ZMYND11: variants seen among roughly 807,000 people sequenced by gnomAD.
The protein encoded by ZMYND11 is zinc finger MYND domain-containing protein 11.
A neutral mutation model predicts 84.9 loss-of-function variants in ZMYND11; 9 were observed. That is an observed-to-expected ratio of 0.11 (90% CI 0.06 to 0.18). ZMYND11 has a LOEUF of 0.18. Among genes scored for constraint, ZMYND11 ranks in the 10% least tolerant of loss-of-function variants. ZMYND11 has a pLI of 1.00. For missense variants in ZMYND11, 409 were observed against 761.0 expected (o/e 0.54, Z 5.44); for synonymous variants, 250 against 244.1 (o/e 1.02, Z -0.23).
intron 4 of ZMYND11, among the ~76,000 whole-genome samples, chr10:231,292 A>C (rs4880983): frequency 0.25 from 38,247 of 152,120 alleles, 5,047 homozygotes; most frequent in Middle Eastern, 0.34. Flanking sequence ...CGCCCAAGAA[A>C]GTTTGAAGCC....
In ZMYND11 at chr10:199,330, T is replaced by A. The variant is rs202065713; in HGVS notation, c.117-10559T>A. Among the ~76,000 whole-genome samples, 320 of 90,404 alleles carry A rather than the reference T, an allele frequency of 3.5e-3. 4 individuals carry two copies. Among genetic ancestry groups the A allele is most frequent in the African/African-American group, 0.011 (283 of 25,308 alleles). The allele number at this position is 90,404 out of a possible 152,430, so 59.3% of individuals were successfully genotyped here. Reference sequence around the variant, plus strand: ...CTCTTCCTCCCTCCCTCCCTCCCTCTCTCCCTCCGTCTCTGTCTCTTTCTT... The same window carrying A: ...CTCTTCCTCCCTCCCTCCCTCCCTCACTCCCTCCGTCTCTGTCTCTTTCTT... On this transcript the variant is annotated intron_variant, in intron 2 of 14. Coordinates refer to ENST00000381604, the MANE Select transcript of ZMYND11 (RefSeq NM_001370100.5).
chr10:170,802 A>G (rs565591997), intron 1 of ZMYND11, among the ~76,000 whole-genome samples: 2 of 152,210 alleles, frequency 1.3e-5, no homozygotes, highest in South Asian at 2.1e-4. Context: ...AAGTCAACCA[A>G]TGGAACATAG....
chr10:230,898 G>A (rs1018915153), intron 4 of ZMYND11, among the ~76,000 whole-genome samples: 1 of 152,086 alleles, frequency 6.6e-6, no homozygotes, highest in Non-Finnish European at 1.5e-5. Context: ...GCTATGCACC[G>A]CTGAAATTGA....
At chr10:179,774 T>A (rs546569204) in intron 1 of ZMYND11, among the ~76,000 whole-genome samples, 2 of 152,310 alleles carry the variant, frequency 1.3e-5, no homozygotes, top group East Asian at 3.9e-4. Context: ...CCTTTTTAAC[T>A]TTTTGGCTTT....
At chr10:251,035 A>T (rs1196132571) in intron 14 of ZMYND11, among the ~76,000 whole-genome samples, 1 of 152,224 alleles carries the variant, frequency 6.6e-6, no homozygotes, top group African/African-American at 2.4e-5. Flanking sequence ...AGAATCAAGA[A>T]TTCTTTCTTC....
At chr10:232,517 C>T (rs996783451) in intron 4 of ZMYND11, among the ~76,000 whole-genome samples, 4 of 152,206 alleles carry the variant, frequency 2.6e-5, no homozygotes, top group South Asian at 4.1e-4. Flanking sequence ...GTCAGTTCAG[C>T]GAGAAAGCTC....
At chr10:249,793 A>T in intron 14 of ZMYND11, 2 of 972,988 alleles carry the variant, frequency 2.1e-6, no homozygotes, top group Non-Finnish European at 2.4e-6. Flanking sequence ...GTGATAAACT[A>T]ATTCTTCATT....
At chr10:208,454 CAA>C (rs1564383667) in intron 2 of ZMYND11, among the ~76,000 whole-genome samples, 1 of 152,110 alleles carries the variant, frequency 6.6e-6, no homozygotes, top group African/African-American at 2.4e-5. Context: ...AAGAAAAAAA[CAA>C]ATAACCCCAA....
intron 5 of ZMYND11, 118 bp downstream of exon 5, chr10:237,033 G>A (rs2131683234): frequency 1.1e-6 from 1 of 893,790 alleles, no homozygotes; most frequent in South Asian, 1.9e-5. Flanking sequence ...ATGAAGTGTG[G>A]AGAGCACCCC....
chr10:220,301 C>T (rs1946929009), intron 3 of ZMYND11, among the ~76,000 whole-genome samples: 1 of 152,064 alleles, frequency 6.6e-6, no homozygotes, highest in African/African-American at 2.4e-5. Context: ...ACTACATCTA[C>T]AAATAAAGTT....
intron 2 of ZMYND11, among the ~76,000 whole-genome samples, chr10:205,477 G>GA (rs1943956716): frequency 1.3e-5 from 2 of 152,012 alleles, no homozygotes; most frequent in African/African-American, 4.8e-5. Flanking sequence ...ATGACTTGAG[G>GA]CTGAGAGTTT....
At chr10:188,427 A>T (rs1333336192) in intron 2 of ZMYND11, among the ~76,000 whole-genome samples, 1 of 151,688 alleles carries the variant, frequency 6.6e-6, no homozygotes, top group African/African-American at 2.4e-5. Context: ...ATCTCTACAA[A>T]AAAAAAAACC....
intron 2 of ZMYND11, 68 bp from the exon 3 acceptor site, chr10:209,821 C>T (rs1944868417): frequency 1.4e-6 from 2 of 1,451,068 alleles, no homozygotes; most frequent in African/African-American, 1.4e-5. Context: ...CCACCATTTT[C>T]TTATTTTCAT....
At position 205,701 on chromosome 10, in the gene ZMYND11, A is replaced by AT. The variant is rs542155987; in HGVS notation, c.117-4187dup. ...TGAGACCCTGTACAAAAAATAAAAA[A>AT]TAAAAAAAAAGGAGTTCCTGGATTC... On this transcript the variant is annotated intron_variant, in intron 2 of 14. Transcript: ENST00000381604. 3.1e-3 allele frequency among the ~76,000 whole-genome samples: 464 copies of AT among 152,078 alleles called. No homozygotes were observed. The Middle Eastern group carries it at 0.031, about 10-fold the overall frequency.
At chr10:250,817 A>G (rs1176350728) in intron 14 of ZMYND11, among the ~76,000 whole-genome samples, 5 of 152,156 alleles carry the variant, frequency 3.3e-5, no homozygotes, top group African/African-American at 1.2e-4. Context: ...TGGGCAGATC[A>G]CTTGAGACCA....
At chr10:151,887 C>G (rs1339019344) in intron 1 of ZMYND11, among the ~76,000 whole-genome samples, 2 of 152,200 alleles carry the variant, frequency 1.3e-5, no homozygotes, top group Admixed American at 1.3e-4. Context: ...CTCTACAAGC[C>G]AGAAGAGAGT....
At chr10:164,229 C>T (rs922792250) in intron 1 of ZMYND11, among the ~76,000 whole-genome samples, 2 of 152,152 alleles carry the variant, frequency 1.3e-5, no homozygotes, top group Non-Finnish European at 2.9e-5. Context: ...ACTGTCCTTT[C>T]TGCTTCAAAC....
rs1554774397 is a variant in ZMYND11, at chr10:200,205, G to GGGGTGTGTGTGTGTGTGTGTGTGTGT, written c.117-9683_117-9682insGGTGTGTGTGTGTGTGTGTGTGTGTG. Among the ~76,000 whole-genome samples the GGGGTGTGTGTGTGTGTGTGTGTGTGT allele has an allele frequency of 2.3e-3, 301 of 132,412 alleles. 3 individuals carry two copies. Among genetic ancestry groups the GGGGTGTGTGTGTGTGTGTGTGTGTGT allele is most frequent in the African/African-American group, 7.4e-3 (268 of 36,330 alleles). The allele number at this position is 132,412 out of a possible 152,430, so 86.9% of individuals were successfully genotyped here. ...GACATGTGCTGCCATGCCTGGCTAG[G>GGGGTGTGTGTGTGTGTGTGTGTGTGT]GTGTGTGTGTGTGTGTGTGTATAAT... On this transcript the variant is annotated intron_variant, in intron 2 of 14. Transcript: ENST00000381604.
intron 14 of ZMYND11, among the ~76,000 whole-genome samples, chr10:251,017 ACTCT>A (rs1370678153): frequency 2.0e-5 from 3 of 152,164 alleles, no homozygotes; most frequent in African/African-American, 7.2e-5. Flanking sequence ...AGCGAGACTC[ACTCT>A]CAAAGAATCA....
Sources: gnomAD v4.1 joint callset for allele counts (sites outside exome capture counted in the v4.1 genomes callset) on GRCh38, gnomAD v4.1.1 for gene constraint, MANE v1.5 for transcripts, NCBI Gene and HGNC (gene_info 2026-07-23, HGNC 2026-07-21) for gene names.